PRR14L: variants seen among roughly 807,000 people sequenced by gnomAD.
The protein encoded by PRR14L is protein PRR14L.
Under a neutral mutation model 155.0 loss-of-function variants are expected in PRR14L, and 80 were observed. That is an observed-to-expected ratio of 0.52 (90% CI 0.43 to 0.62). The LOEUF is 0.62. Among genes scored for constraint, PRR14L ranks in the 20% least tolerant of loss-of-function variants. The pLI, the probability that PRR14L is intolerant of heterozygous loss-of-function variation, is 0.00. For missense variants in PRR14L, 2,469 were observed against 2,548.0 expected, an observed-to-expected ratio of 0.97 and a Z score of 0.67; for synonymous variants, 883 against 916.0, an observed-to-expected ratio of 0.96 and a Z score of 0.65.
chr22:31,714,846 C>A lies in PRR14L; in HGVS notation c.2993G>T (p.Arg998Ile). The A allele has an allele frequency of 6.4e-7, 1 of 1,552,010 alleles. No individual in the cohort carries two copies. Among genetic ancestry groups the A allele is most frequent in the South Asian group, 1.2e-5 (1 of 84,060 alleles). Residue 998 changes from arginine (R) to isoleucine (I), a missense_variant, in exon 4 of 9, where the codon AGA (arginine) becomes ATA (isoleucine). Transcript: ENST00000327423. Reference protein sequence around the residue: ...SAKEMLSSDQRETVTEPHGEV... With the variant: ...SAKEMLSSDQIETVTEPHGEV... ...CCCGTGAGGCTCGGTGACAGTCTCT[C>A]TCTGGTCACTACTTAGCATCTCCTT... is the stretch of plus-strand genomic sequence containing the variant.
rs964308510 is a variant in PRR14L, at chr22:31,703,596, T to G, written c.5954A>C (p.Lys1985Thr). Residue 1985 changes from lysine to threonine, a missense_variant, in exon 6 of 9, where the codon AAA becomes ACA. By Grantham distance (78) the Lys-to-Thr change is moderately conservative. Coordinates refer to ENST00000327423, the MANE Select transcript of PRR14L (RefSeq NM_173566.3). Reference protein sequence around the residue: ...VRGLDELDGVKAACPCPQSSP... With the variant: ...VRGLDELDGVTAACPCPQSSP... ...GCTCTGTGGGCAGGGGCATGCTGCTTTCACACCATCCAGCTCATCCAATCC... is the reference window on the plus strand; with the variant it reads ...GCTCTGTGGGCAGGGGCATGCTGCTGTCACACCATCCAGCTCATCCAATCC... The G allele has an allele frequency of 6.2e-7, 1 of 1,613,972 alleles. No individual in the cohort carries two copies. Among genetic ancestry groups the G allele is most frequent in the Non-Finnish European group, 8.5e-7 (1 of 1,179,918 alleles).
chr22:31,722,162 G>A (rs1206366080), intron 3 of PRR14L, among the ~76,000 whole-genome samples: 2 of 152,068 alleles, frequency 1.3e-5, no homozygotes, highest in Non-Finnish European at 2.9e-5. Flanking sequence ...GGGCGCGGTG[G>A]CTCACACTTG....
chr22:31,703,797 ATTTTTTTTTT>A, intron 5 of PRR14L, 76 bp from the exon 6 acceptor site: 5 of 659,268 alleles, frequency 7.6e-6, no homozygotes, highest in Non-Finnish European at 8.9e-6. Context: ...CTTCTTCTTC[ATTTTTTTTTT>A]TTTTTTTGAG....
chr22:31,709,869 G>A (rs2074612043), intron 4 of PRR14L, among the ~76,000 whole-genome samples: 2 of 150,896 alleles, frequency 1.3e-5, no homozygotes, highest in Admixed American at 1.3e-4. Flanking sequence ...TCTTGACCTC[G>A]TGATCTGCCT....
chr22:31,713,356 C>G lies in PRR14L; in HGVS notation c.4483G>C (p.Ala1495Pro), dbSNP rs763941422. The change falls in exon 4 of 9, where the codon GCA (alanine) becomes CCA (proline). Residue 1495 changes from alanine (A) to proline (P), a missense_variant. Transcript: ENST00000327423. ...CACCCAGCAGAGGAGGGGTCTTGTG[C>G]TTTCCGAGGGGCACCAAGAAGGCAA... ...SPCLLGAPRK[A>P]QDPSSAGCDQ... is the part of the protein sequence containing the mutation. The G allele has an allele frequency of 2.2e-5, 34 of 1,552,072 alleles. No homozygotes were observed.
At chr22:31,704,625 G>T in intron 5 of PRR14L, 30 bp downstream of exon 5, 2 of 1,583,208 alleles carry the variant, frequency 1.3e-6, no homozygotes, top group South Asian at 1.1e-5. Context: ...ACGCACACGC[G>T]CACACACACG....
chr22:31,701,968 T>C (rs527547382), intron 6 of PRR14L, among the ~76,000 whole-genome samples: 6 of 152,218 alleles, frequency 3.9e-5, no homozygotes, highest in African/African-American at 1.2e-4. Flanking sequence ...CCACCGTAAC[T>C]GGGAATTTTT....
intron 7 of PRR14L, among the ~76,000 whole-genome samples, chr22:31,691,252 G>A (rs766644147): frequency 1.3e-5 from 2 of 151,882 alleles, no homozygotes; most frequent in Non-Finnish European, 2.9e-5. Context: ...CAGGCATGTC[G>A]GGCTAATTTT....
chr22:31,727,008 A>C (rs1421292303), intron 2 of PRR14L, among the ~76,000 whole-genome samples: 8 of 152,144 alleles, frequency 5.3e-5, no homozygotes, highest in Non-Finnish European at 2.9e-5. Flanking sequence ...GCCTCTGTAA[A>C]GTGACAGCAC....
intron 1 of PRR14L, among the ~76,000 whole-genome samples, chr22:31,748,142 A>C (rs1459368045): frequency 6.6e-6 from 1 of 152,220 alleles, no homozygotes; most frequent in African/African-American, 2.4e-5. Flanking sequence ...CCAGGCCCTC[A>C]GAAGCTCACA....
At chr22:31,729,043 G>A (rs762665813) in intron 2 of PRR14L, among the ~76,000 whole-genome samples, 19 of 152,112 alleles carry the variant, frequency 1.2e-4, no homozygotes, top group Non-Finnish European at 2.5e-4. Context: ...CTTTGCATGC[G>A]TAACAGATTT....
chr22:31,734,114 A>G (rs1321617355), intron 2 of PRR14L, among the ~76,000 whole-genome samples: 1 of 152,154 alleles, frequency 6.6e-6, no homozygotes, highest in Non-Finnish European at 1.5e-5. Flanking sequence ...CTGGGACTAA[A>G]GGCATGCACC....
In PRR14L at chr22:31,712,193, G is replaced by T; in HGVS notation, c.5646C>A (p.Gly1882=). 6.2e-7 allele frequency: 1 copy of T among 1,614,176 alleles called. No individual in the cohort carries two copies. The highest frequency in any genetic ancestry group is 8.5e-7 in the Non-Finnish European group (1 of 1,180,016). ...KVFCSLPYSV[G]RVLSIWSQHG... is the part of the protein sequence containing the mutation. ...GCTGGCTCCAAATGGATAGGACTCT[G>T]CCCACCGAGTAGGGCAGAGAACAGA... Residue 1882 remains glycine (G), a synonymous_variant, in exon 4 of 9, where the codon GGC becomes GGA. Transcript: ENST00000327423.
rs779229264 is a variant in PRR14L, at chr22:31,714,121, T to C, written c.3718A>G (p.Ile1240Val). 7 of 1,551,466 alleles carry C rather than the reference T, an allele frequency of 4.5e-6. No homozygotes were observed. In the South Asian group the frequency reaches 7.1e-5, roughly 16 times the overall value. ...VSLRSLKSIE[I>V]MPSQENSETN... is the part of the protein sequence containing the mutation. ...TCTGAATTTTCTTGAGAAGGCATTATTTCAATGGATTTCAGGCTTCTTAGG... is the reference window on the plus strand; with the variant it reads ...TCTGAATTTTCTTGAGAAGGCATTACTTCAATGGATTTCAGGCTTCTTAGG... Residue 1240 changes from isoleucine to valine, a missense_variant, in exon 4 of 9, where the codon ATA becomes GTA. This residue lies in a region of PRR14L where 2,363 missense variants were observed against 2,371.6 expected (regional missense o/e 1.00). Coordinates refer to ENST00000327423, the MANE Select transcript of PRR14L (RefSeq NM_173566.3).
In PRR14L at chr22:31,715,417, T is replaced by C; in HGVS notation, c.2422A>G (p.Lys808Glu). Reference protein sequence around the residue: ...ENMCSASAAFKSSKISLQVDN... With the variant: ...ENMCSASAAFESSKISLQVDN... ...ACTTGCAGGCTGATTTTGCTGGACT[T>C]GAAAGCAGCAGAAGCAGAACACATG... Residue 808 changes from lysine (K) to glutamate (E), a missense_variant, in exon 4 of 9, where the codon AAG (lysine) becomes GAG (glutamate). This residue lies in a region of PRR14L where 2,363 missense variants were observed against 2,371.6 expected (regional missense o/e 1.00). Coordinates refer to ENST00000327423, the MANE Select transcript of PRR14L (RefSeq NM_173566.3). 2 of 1,552,342 alleles carry C rather than the reference T, an allele frequency of 1.3e-6. No homozygotes were observed. The highest frequency in any genetic ancestry group is 2.4e-5 in the South Asian group (2 of 84,064).
intron 7 of PRR14L, 35 bp from the exon 8 acceptor site, chr22:31,688,262 C>A: frequency 6.6e-7 from 1 of 1,525,136 alleles, no homozygotes; most frequent in Non-Finnish European, 8.8e-7. Context: ...TCTTCAGGTT[C>A]TCTCTCTCTT....
intron 6 of PRR14L, among the ~76,000 whole-genome samples, chr22:31,702,277 C>A (rs1044557666): frequency 6.6e-6 from 1 of 152,118 alleles, no homozygotes; most frequent in African/African-American, 2.4e-5. Context: ...GGCTTAAATG[C>A]AATGGCATGG....
chr22:31,717,312 C>T (rs139521683), intron 3 of PRR14L, 21 bp from the exon 4 acceptor site: 11 of 1,506,018 alleles, frequency 7.3e-6, no homozygotes, highest in Non-Finnish European at 9.8e-6. Context: ...GAAATAAATC[C>T]AAATTAATAT....
Position 31,682,801 on chromosome 22 carries a change from A to G in PRR14L, c.*2726T>C, listed in dbSNP as rs916559859. On this transcript the variant is annotated 3_prime_UTR_variant, in exon 9 of 9. Transcript: ENST00000327423. The stretch of plus-strand genomic sequence containing the variant: ...TCAGAAACTGTACCAACTCCACCCC[A>G]GAACCAGACCTCCTGTAGCTCTGGG... 6.6e-6 allele frequency: 1 copy of G among 152,150 alleles called. No homozygotes were observed. Among genetic ancestry groups the G allele is most frequent in the Non-Finnish European group, 1.5e-5 (1 of 68,028 alleles). The allele number at this position is 152,150 out of a possible 1,614,324, so 9.4% of individuals were successfully genotyped here.
Sources: allele counts gnomAD v4.1 joint callset (sites outside exome capture counted in the v4.1 genomes callset), GRCh38; gene constraint gnomAD v4.1.1; regional missense constraint gnomAD v4.1.1; transcripts MANE v1.5; gene names NCBI Gene and HGNC (gene_info 2026-07-23, HGNC 2026-07-21).